Variants in MGMT observed in about 807,000 individuals in gnomAD.
MGMT encodes methylated-DNA--protein-cysteine methyltransferase.
MGMT carries 14 observed loss-of-function variants against 15.9 expected under a neutral mutation model. The observed-to-expected ratio is 0.88, with a 90% CI of 0.58 to 1.37. The LOEUF is 1.37. Among genes scored for constraint, MGMT ranks in the 40% most tolerant of loss-of-function variants. MGMT has a pLI of 0.00. For synonymous variants in MGMT, 130 were observed against 118.2 expected (o/e 1.10, Z -0.65); for missense variants, 282 against 268.1 (o/e 1.05, Z -0.36).
intron 3 of MGMT, among the ~76,000 whole-genome samples, chr10:129,745,490 C>G (rs1023896417): frequency 2.0e-5 from 3 of 152,300 alleles, no homozygotes; most frequent in Admixed American, 1.3e-4. Flanking sequence ...TAAATGGAAT[C>G]AGACAGTATT....
intron 3 of MGMT, among the ~76,000 whole-genome samples, chr10:129,710,522 T>C (rs989032069): frequency 1.3e-5 from 2 of 152,182 alleles, no homozygotes; most frequent in African/African-American, 4.8e-5. Flanking sequence ...GTTTTTAACA[T>C]TTAGCTCAAT....
At chr10:129,576,251 A>G (rs1846481422) in intron 2 of MGMT, among the ~76,000 whole-genome samples, 1 of 152,240 alleles carries the variant, frequency 6.6e-6, no homozygotes, top group Non-Finnish European at 1.5e-5. Context: ...ATTTTAGACC[A>G]ATATCCTTGA....
chr10:129,648,892 G>A (rs1480650058), intron 2 of MGMT, among the ~76,000 whole-genome samples: 4 of 152,180 alleles, frequency 2.6e-5, no homozygotes, highest in South Asian at 2.1e-4. Flanking sequence ...TTAGTGAAGA[G>A]TGGACACCAC....
chr10:129,589,406 C>T (rs921387420), intron 2 of MGMT, among the ~76,000 whole-genome samples: 3 of 152,250 alleles, frequency 2.0e-5, no homozygotes, highest in Non-Finnish European at 2.9e-5. Flanking sequence ...GTGCTACTCA[C>T]CTCTGACCTC....
chr10:129,509,383 G>A (rs976609022), intron 1 of MGMT, among the ~76,000 whole-genome samples: 1 of 152,126 alleles, frequency 6.6e-6, no homozygotes, highest in Non-Finnish European at 1.5e-5. Flanking sequence ...CCCTGCACAC[G>A]GTTCCTGTGT....
chr10:129,739,326 T>G lies in MGMT; in HGVS notation c.275-19876T>G, dbSNP rs371615704. On this transcript the variant is annotated intron_variant, in intron 3 of 4. Coordinates refer to ENST00000651593, the MANE Select transcript of MGMT (RefSeq NM_002412.5). ...AGGGCAATCAGGCAAGAGAAAGAAA[T>G]AAAGGGTATTCAATTAGGAAAAGAG... Among the ~76,000 whole-genome samples the G allele has an allele frequency of 5.3e-5, 8 of 152,164 alleles. No individual in the cohort carries two copies. The East Asian group carries it at 5.8e-4, about 11-fold the overall frequency.
At chr10:129,515,707 G>A (rs921870375) in intron 1 of MGMT, among the ~76,000 whole-genome samples, 4 of 152,182 alleles carry the variant, frequency 2.6e-5, no homozygotes, top group African/African-American at 9.7e-5. Context: ...TCCTGTAAGT[G>A]GTATGACCTC....
chr10:129,577,373 A>G (rs1410012749), intron 2 of MGMT, among the ~76,000 whole-genome samples: 4 of 152,214 alleles, frequency 2.6e-5, no homozygotes, highest in Non-Finnish European at 5.9e-5. Flanking sequence ...GCCCTCAGAA[A>G]TAATGCCACA....
At chr10:129,537,068 G>T (rs1046977178) in intron 2 of MGMT, 6 of 151,898 alleles carry the variant, frequency 4.0e-5, no homozygotes, top group African/African-American at 1.5e-4. Context: ...ATTCCTTAGT[G>T]TTTTGCTTTG....
At chr10:129,535,286 C>T (rs1049468153) in intron 1 of MGMT, among the ~76,000 whole-genome samples, 13 of 152,180 alleles carry the variant, frequency 8.5e-5, no homozygotes, top group Admixed American at 3.3e-4. Context: ...GACCCAGTGC[C>T]TAAGGAGGCT....
chr10:129,467,376 G>A (rs1845180481), intron 1 of MGMT, 80 bp downstream of exon 1: 1 of 1,402,842 alleles, frequency 7.1e-7, no homozygotes, highest in Admixed American at 3.1e-5. Flanking sequence ...TGGTCCTGCA[G>A]GCGCCCTCAC....
chr10:129,594,396 T>C (rs1846726076), intron 2 of MGMT, among the ~76,000 whole-genome samples: 2 of 152,194 alleles, frequency 1.3e-5, no homozygotes, highest in African/African-American at 4.8e-5. Context: ...GATTTAAAGA[T>C]TTTTAAAAAA....
At chr10:129,485,850 G>T (rs1045485365) in intron 1 of MGMT, among the ~76,000 whole-genome samples, 2 of 152,172 alleles carry the variant, frequency 1.3e-5, no homozygotes, top group African/African-American at 2.4e-5. Flanking sequence ...GACTGAGATT[G>T]CTCAGATTAC....
At chr10:129,569,287 G>A (rs993134990) in intron 2 of MGMT, among the ~76,000 whole-genome samples, 1 of 152,154 alleles carries the variant, frequency 6.6e-6, no homozygotes, top group African/African-American at 2.4e-5. Context: ...CGTGGTGGGG[G>A]CGGGGGTGAG....
At position 129,768,719 on chromosome 10, in the gene MGMT, G is replaced by C. The variant is rs2133192630; in HGVS notation, c.*1722G>C. The C allele has an allele frequency of 6.6e-6, 1 of 152,394 alleles. No individual in the cohort carries two copies. The highest frequency in any genetic ancestry group is 6.5e-5 in the Admixed American group (1 of 15,310). The allele number at this position is 152,394 out of a possible 1,614,324, so 9.4% of individuals were successfully genotyped here. On this transcript the variant is annotated 3_prime_UTR_variant, in exon 5 of 5. Coordinates refer to ENST00000651593, the MANE Select transcript of MGMT (RefSeq NM_002412.5). ...AGCCGCGAGTGCTTTCCAACAGAGG[G>C]CACCAGAGCCGTGCGGTGTGCTGTG... is the stretch of plus-strand genomic sequence containing the variant.
chr10:129,593,671 C>G (rs1315484900), intron 2 of MGMT, among the ~76,000 whole-genome samples: 1 of 152,216 alleles, frequency 6.6e-6, no homozygotes, highest in Non-Finnish European at 1.5e-5. Context: ...AGGCGTAAGT[C>G]TCAATCATCC....
intron 1 of MGMT, among the ~76,000 whole-genome samples, chr10:129,505,133 G>A: frequency 6.6e-6 from 1 of 152,114 alleles, no homozygotes; most frequent in East Asian, 1.9e-4. Context: ...GGAAAGAATT[G>A]CTCAGGAAAA....
chr10:129,576,991 C>G (rs1846491345), intron 2 of MGMT, among the ~76,000 whole-genome samples: 1 of 152,028 alleles, frequency 6.6e-6, no homozygotes, highest in African/African-American at 2.4e-5. Context: ...ATGTGAAGGA[C>G]CTCTTCAAGG....
intron 2 of MGMT, among the ~76,000 whole-genome samples, chr10:129,564,621 T>C (rs1229757569): frequency 7.2e-5 from 2 of 27,904 alleles, no homozygotes; most frequent in Admixed American, 5.5e-4. Context: ...CTCCTCCTCC[T>C]CCCCTGCTTC....
Sources: gnomAD v4.1 joint callset for allele counts (sites outside exome capture counted in the v4.1 genomes callset) on GRCh38, gnomAD v4.1.1 for gene constraint, MANE v1.5 for transcripts, NCBI Gene and HGNC (gene_info 2026-07-23, HGNC 2026-07-21) for gene names.